HELQ: variants seen among roughly 807,000 people sequenced by gnomAD.
HELQ encodes the protein helicase, POLQ like.
A neutral mutation model predicts 111.6 loss-of-function variants in HELQ; 77 were observed. The ratio of observed to expected loss-of-function variants is 0.69; its 90% CI spans 0.57 to 0.83. HELQ has a LOEUF of 0.83. Ranked by LOEUF, HELQ falls within the 40% of genes least tolerant of loss-of-function variation. The pLI is 0.00. For missense variants in HELQ, 1,200 were observed against 1,288.5 expected, an observed-to-expected ratio of 0.93 and a Z score of 1.05; for synonymous variants, 438 against 454.7, an observed-to-expected ratio of 0.96 and a Z score of 0.47.
intron 17 of HELQ, among the ~76,000 whole-genome samples, chr4:83,411,604 A>AAAAT (rs147373472): frequency 0.082 from 12,345 of 150,164 alleles, 1,721 homozygotes; most frequent in African/African-American, 0.29. Context: ...ACCCTGTCTC[A>AAAAT]AAATAAATAA....
In HELQ at chr4:83,439,994, T is replaced by G; in HGVS notation, c.1677A>C (p.Leu559=). 6.2e-7 allele frequency: 1 copy of G among 1,611,378 alleles called. No individual in the cohort carries two copies. The highest frequency in any genetic ancestry group is 8.5e-7 in the Non-Finnish European group (1 of 1,178,958). The change falls in exon 8 of 18, where the codon CTA becomes CTC. Residue 559 remains leucine (L), a synonymous_variant. Transcript: ENST00000295488. The part of the protein sequence containing the change: ...RLLNYKYSDT[L]KKMDPDHLVA... ...CCAAGTGATCAGGATCCATCTTTTT[T>G]AGGGTATCAGAATACTGCAAAACAA...
Position 83,453,927 on chromosome 4 carries a change from C to T in HELQ, c.316G>A (p.Asp106Asn), listed in dbSNP as rs968958162. ...AAGCTATCATAGTCACCAAACATGT[C>T]CACTTCACTGTCATTAGGCTGCAAA... ...VGDQPNDSEVDMFGDYDSFTE... is the reference protein window; with the variant it reads ...VGDQPNDSEVNMFGDYDSFTE... The change falls in exon 2 of 18, where the codon GAC (aspartate) becomes AAC (asparagine). Residue 106 changes from aspartate to asparagine, a missense_variant. Physicochemically the swap from Asp to Asn is conservative, Grantham distance 23 (BLOSUM62 1). Transcript: ENST00000295488. 6.2e-7 allele frequency: 1 copy of T among 1,608,104 alleles called. No homozygotes were observed. The highest frequency in any genetic ancestry group is 8.5e-7 in the Non-Finnish European group (1 of 1,175,684).
At chr4:83,442,189 T>C (rs954071853) in intron 6 of HELQ, among the ~76,000 whole-genome samples, 1 of 151,944 alleles carries the variant, frequency 6.6e-6, no homozygotes, top group African/African-American at 2.4e-5. Context: ...AATAACAATG[T>C]CTACTGTGGC....
chr4:83,455,406 C>CA lies in HELQ; in HGVS notation c.287dup (p.Asp98ArgfsTer4). ...TCCAAGTCCTCCGTACCTGGTCTCC[C>CA]ACCCCTCTGTCAGTGGGCATGTGAC... On this transcript the variant is annotated frameshift_variant, in exon 1 of 18. Transcript: ENST00000295488. LOFTEE classifies it high-confidence loss of function. 6.2e-7 allele frequency: 1 copy of CA among 1,611,676 alleles called. No homozygotes were observed. The highest frequency in any genetic ancestry group is 1.1e-5 in the South Asian group (1 of 91,044).
chr4:83,437,233 C>A (rs559058777), intron 8 of HELQ, 136 bp from the exon 9 acceptor site: 209 of 843,694 alleles, frequency 2.5e-4, no homozygotes, highest in Non-Finnish European at 3.6e-4. Flanking sequence ...ATTAAATGTT[C>A]TTAGAATTTT....
At chr4:83,444,795 G>A (rs1038499111) in intron 5 of HELQ, among the ~76,000 whole-genome samples, 2 of 152,192 alleles carry the variant, frequency 1.3e-5, no homozygotes, top group African/African-American at 2.4e-5. Context: ...AATCAAGAAA[G>A]GCTGTGCTAA....
At chr4:83,414,798 A>G (rs1739277077) in intron 17 of HELQ, among the ~76,000 whole-genome samples, 1 of 152,192 alleles carries the variant, frequency 6.6e-6, no homozygotes, top group African/African-American at 2.4e-5. Flanking sequence ...AGTTAGGCAA[A>G]CATCACTAGT....
chr4:83,455,486 CTG>C lies in HELQ; in HGVS notation c.206_207del (p.Ser69Ter), dbSNP rs1721718633. 1.2e-6 allele frequency: 2 copies of C among 1,614,218 alleles called. No homozygotes were observed. Among genetic ancestry groups the C allele is most frequent in the Admixed American group, 1.7e-5 (1 of 60,022 alleles). On this transcript the variant is annotated frameshift_variant, in exon 1 of 18. Transcript: ENST00000295488. LOFTEE classifies it high-confidence loss of function. ...CCAAGGACGAGACATTCCGGGGAAT[CTG>C]AGAGTAGAAGGGGCTGTACCTCAAC... is the stretch of plus-strand genomic sequence containing the variant. ...LPVEVQPLLLSDSPECLVLGG... is the reference protein window; with the variant it reads ...LPVEVQPLLLXDSPECLVLGG...
At chr4:83,452,371 A>C (rs1486493803) in intron 2 of HELQ, among the ~76,000 whole-genome samples, 1 of 152,116 alleles carries the variant, frequency 6.6e-6, no homozygotes, top group African/African-American at 2.4e-5. Context: ...CTGACTTAAA[A>C]CTTAATTGCA....
intron 17 of HELQ, among the ~76,000 whole-genome samples, chr4:83,409,279 G>C (rs1382173659): frequency 1.3e-5 from 2 of 152,128 alleles, no homozygotes; most frequent in African/African-American, 4.8e-5. Context: ...GGCTGGGCAT[G>C]GTAGCTCATG....
chr4:83,412,894 G>C (rs1263422978), intron 17 of HELQ, among the ~76,000 whole-genome samples: 1 of 152,232 alleles, frequency 6.6e-6, no homozygotes, highest in East Asian at 1.9e-4. Context: ...ATGCTGCACA[G>C]AGAGGCCAGA....
At chr4:83,407,929 G>A (rs76181963) in intron 17 of HELQ, among the ~76,000 whole-genome samples, 13,758 of 152,076 alleles carry the variant, frequency 0.09, 711 homozygotes, top group Middle Eastern at 0.13. Context: ...TTATATATAT[G>A]CATTTTATTA....
At chr4:83,450,999 A>G (rs12639933) in intron 2 of HELQ, among the ~76,000 whole-genome samples, 54,583 of 152,022 alleles carry the variant, frequency 0.36, 11,392 homozygotes, top group East Asian at 0.67. Context: ...ACTTCAACAA[A>G]TTTCCAGGTG....
intron 15 of HELQ, among the ~76,000 whole-genome samples, chr4:83,419,136 G>C (rs1739518904): frequency 6.6e-6 from 1 of 150,594 alleles, no homozygotes; most frequent in Admixed American, 6.6e-5. Flanking sequence ...AAACAAATTG[G>C]TAAACTTTCT....
intron 9 of HELQ, 58 bp from the exon 10 acceptor site, chr4:83,432,325 T>A: frequency 8.0e-7 from 1 of 1,249,912 alleles, no homozygotes; most frequent in Non-Finnish European, 1.1e-6. Flanking sequence ...TAAAAAATTC[T>A]TAATTTCATT....
At chr4:83,432,672 A>G (rs1422609226) in intron 9 of HELQ, among the ~76,000 whole-genome samples, 1 of 152,206 alleles carries the variant, frequency 6.6e-6, no homozygotes, top group African/African-American at 2.4e-5. Flanking sequence ...ATACACCACT[A>G]ACATATACAT....
intron 17 of HELQ, among the ~76,000 whole-genome samples, chr4:83,410,206 G>GCTA (rs1739014661): frequency 6.6e-6 from 1 of 152,154 alleles, no homozygotes; most frequent in East Asian, 1.9e-4. Flanking sequence ...CTATGATGGT[G>GCTA]CTACTGCACT....
chr4:83,420,564 C>T (rs568521924), intron 15 of HELQ, among the ~76,000 whole-genome samples: 20 of 151,734 alleles, frequency 1.3e-4, no homozygotes, highest in African/African-American at 3.9e-4. Flanking sequence ...GCAGGTGGAT[C>T]ACTTGAGGTC....
chr4:83,432,429 C>A (rs925132984), intron 9 of HELQ, among the ~76,000 whole-genome samples, 162 bp from the exon 10 acceptor site: 3 of 152,044 alleles, frequency 2.0e-5, no homozygotes, highest in Non-Finnish European at 4.4e-5. Context: ...GGTTTTTACA[C>A]ATATTATCTA....
Sources: gnomAD v4.1 joint callset for allele counts (sites outside exome capture counted in the v4.1 genomes callset) on GRCh38, gnomAD v4.1.1 for gene constraint, MANE v1.5 for transcripts, NCBI Gene and HGNC (gene_info 2026-07-23, HGNC 2026-07-21) for gene names.